The following ERLEC1 variants were observed in gnomAD, a reference collection of about 807,000 sequenced individuals.
The protein encoded by ERLEC1 is ER lectin.
A neutral mutation model predicts 68.0 loss-of-function variants in ERLEC1; 47 were observed. The observed-to-expected ratio is 0.69, with a 90% confidence interval of 0.55 to 0.88. The LOEUF is 0.88. Among genes scored for constraint, ERLEC1 ranks in the 40% least tolerant of loss-of-function variants. The probability of loss-of-function intolerance (pLI) is 0.00; values close to 1 mark genes in which losing one functional copy is unlikely to be tolerated. For missense variants in ERLEC1, 567 were observed against 583.8 expected (o/e 0.97, Z 0.30); for synonymous variants, 225 against 203.2 (o/e 1.11, Z -0.91).
rs555462398 is a variant in ERLEC1, at chr2:53,789,126, C to T, written c.162+1754C>T. On this transcript the variant is annotated intron_variant, in intron 1 of 13. Transcript: ENST00000185150. ...AAAAAAATGCTTTGGCCATGTGCGGCGGCTCACATCTGTAATCCCAGCACT... is the reference window on the plus strand; with the variant it reads ...AAAAAAATGCTTTGGCCATGTGCGGTGGCTCACATCTGTAATCCCAGCACT... Among the ~76,000 whole-genome samples the T allele has an allele frequency of 1.6e-4, 25 of 151,930 alleles. No homozygotes were observed. The South Asian group carries it at 5.2e-3, about 32-fold the overall frequency.
At chr2:53,799,320 G>T (rs1675885268) in intron 6 of ERLEC1, among the ~76,000 whole-genome samples, 1 of 152,044 alleles carries the variant, frequency 6.6e-6, no homozygotes, top group African/African-American at 2.4e-5. Flanking sequence ...GATGTATCTG[G>T]GGAAGATTCT....
At chr2:53,812,289 G>A (rs1470578155) in intron 10 of ERLEC1, among the ~76,000 whole-genome samples, 1 of 152,038 alleles carries the variant, frequency 6.6e-6, no homozygotes, top group East Asian at 1.9e-4. Flanking sequence ...TATGAAGAAA[G>A]AAACCAAAGG....
In ERLEC1 at chr2:53,797,779, C is replaced by T. The variant is rs1675792893; in HGVS notation, c.474C>T (p.Asn158=). The T allele has an allele frequency of 1.2e-6, 2 of 1,612,616 alleles. No individual in the cohort carries two copies. Among genetic ancestry groups the T allele is most frequent in the Non-Finnish European group, 8.5e-7 (1 of 1,179,366 alleles). The change falls in exon 5 of 14, where the codon AAC becomes AAT. Residue 158 remains asparagine (N), a synonymous_variant. Transcript: ENST00000185150. ...EYYLGNMLAK[N]LLFEKEREAE... is the part of the protein sequence containing the mutation. ...ACCTTGGGAATATGTTGGCCAAGAA[C>T]CTTCTATTTGAAAAAGGTTGGTGTC...
chr2:53,788,040 C>G (rs1675165029), intron 1 of ERLEC1, among the ~76,000 whole-genome samples: 1 of 152,242 alleles, frequency 6.6e-6, no homozygotes, highest in East Asian at 1.9e-4. Context: ...TGTAACCTCG[C>G]GGAAATGAAA....
intron 10 of ERLEC1, among the ~76,000 whole-genome samples, chr2:53,810,263 A>G (rs1285028155): frequency 6.6e-6 from 1 of 152,206 alleles, no homozygotes; most frequent in Non-Finnish European, 1.5e-5. Context: ...TGAGGCCAGG[A>G]GTTCAAGAGC....
At chr2:53,793,027 G>C (rs560831723) in intron 1 of ERLEC1, among the ~76,000 whole-genome samples, 3 of 151,338 alleles carry the variant, frequency 2.0e-5, no homozygotes, top group Non-Finnish European at 4.4e-5. Context: ...AAAAGTTATT[G>C]TTAAATTGAG....
At chr2:53,791,370 T>C (rs572409554) in intron 1 of ERLEC1, among the ~76,000 whole-genome samples, 1 of 152,378 alleles carries the variant, frequency 6.6e-6, no homozygotes, top group East Asian at 1.9e-4. Context: ...TACCTTGTTA[T>C]GTAAAGTAAG....
chr2:53,797,352 A>G (rs1405559278), intron 3 of ERLEC1, among the ~76,000 whole-genome samples, 163 bp from the exon 4 acceptor site: 2 of 152,250 alleles, frequency 1.3e-5, no homozygotes, highest in Non-Finnish European at 2.9e-5. Flanking sequence ...AATAATGAAT[A>G]GACTTCAGAA....
intron 10 of ERLEC1, among the ~76,000 whole-genome samples, chr2:53,810,967 G>A (rs1676563253): frequency 6.6e-6 from 1 of 151,962 alleles, no homozygotes; most frequent in Non-Finnish European, 1.5e-5. Flanking sequence ...AGAAGTATCT[G>A]TCTCCTCTGC....
At chr2:53,809,950 C>G (rs1054931989) in intron 10 of ERLEC1, among the ~76,000 whole-genome samples, 1 of 151,864 alleles carries the variant, frequency 6.6e-6, no homozygotes, top group African/African-American at 2.4e-5. Flanking sequence ...ACTCAGGAGG[C>G]TGAGGCAGGA....
rs1271517822 is a variant in ERLEC1, at chr2:53,803,071, T to C, written c.879+1229T>C. 2.0e-5 allele frequency among the ~76,000 whole-genome samples: 3 copies of C among 152,240 alleles called. No individual in the cohort carries two copies. The East Asian group carries it at 5.8e-4, about 29-fold the overall frequency. On this transcript the variant is annotated intron_variant, in intron 8 of 13. Transcript: ENST00000185150. ...GAAGAGATAACTACTTCCTCTTCTG[T>C]GGTCTTGTATTTCATTCAGACCTCC...
chr2:53,799,129 G>C, intron 6 of ERLEC1, 48 bp downstream of exon 6: 1 of 1,524,312 alleles, frequency 6.6e-7, no homozygotes, highest in African/African-American at 1.4e-5. Context: ...TATTGTTAGT[G>C]AGGTATGAAT....
chr2:53,801,950 A>C, intron 8 of ERLEC1, 108 bp downstream of exon 8: 1 of 865,764 alleles, frequency 1.2e-6, no homozygotes, highest in Non-Finnish European at 1.8e-6. Context: ...AATTTATTTT[A>C]CTGGCCCAAC....
chr2:53,793,388 C>T (rs1675515126), intron 1 of ERLEC1, among the ~76,000 whole-genome samples: 1 of 152,196 alleles, frequency 6.6e-6, no homozygotes, highest in Non-Finnish European at 1.5e-5. Context: ...AGCCATTGCG[C>T]TGTCCCACCA....
At chr2:53,810,333 G>A (rs1351943260) in intron 10 of ERLEC1, among the ~76,000 whole-genome samples, 1 of 151,906 alleles carries the variant, frequency 6.6e-6, no homozygotes, top group African/African-American at 2.4e-5. Context: ...TTTAAAAAAA[G>A]AAAATACCAT....
intron 8 of ERLEC1, among the ~76,000 whole-genome samples, chr2:53,807,882 A>G (rs1192549243): frequency 6.6e-6 from 1 of 151,968 alleles, no homozygotes; most frequent in Non-Finnish European, 1.5e-5. Flanking sequence ...AAAAAATGCC[A>G]GGCGTGGTGG....
At chr2:53,795,020 T>G (rs1675613025) in intron 2 of ERLEC1, among the ~76,000 whole-genome samples, 2 of 116,676 alleles carry the variant, frequency 1.7e-5, no homozygotes, top group Non-Finnish European at 3.5e-5. Context: ...GAAATTAGGG[T>G]TTTAAAACAA....
chr2:53,791,906 TAAAAAAAAA>T (rs569591198), intron 1 of ERLEC1, among the ~76,000 whole-genome samples: 6 of 117,762 alleles, frequency 5.1e-5, no homozygotes, highest in Admixed American at 9.2e-5. Flanking sequence ...AATGCTCTTT[TAAAAAAAAA>T]AAAAAAAAAA....
chr2:53,816,402 T>G (rs1291848791), intron 13 of ERLEC1, among the ~76,000 whole-genome samples: 1 of 151,466 alleles, frequency 6.6e-6, no homozygotes, highest in African/African-American at 2.4e-5. Flanking sequence ...GAGTAGCTGG[T>G]ATTACAGGCA....
Sources: allele counts gnomAD v4.1 joint callset (sites outside exome capture counted in the v4.1 genomes callset), GRCh38; gene constraint gnomAD v4.1.1; transcripts MANE v1.5; gene names NCBI Gene and HGNC (gene_info 2026-07-23, HGNC 2026-07-21).